The following NEMF variants were observed in gnomAD, a reference collection of about 807,000 sequenced individuals.
The protein encoded by NEMF is nuclear export mediator factor, also known as ribosome quality control complex subunit NEMF.
NEMF carries 89 observed loss-of-function variants against 162.2 expected under a neutral mutation model. The observed-to-expected ratio is 0.55, with a 90% CI of 0.46 to 0.65. The LOEUF is 0.65. Among genes scored for constraint, NEMF ranks in the 30% least tolerant of loss-of-function variants. The pLI is 0.00. For synonymous variants in NEMF, 421 were observed against 404.5 expected (o/e 1.04, Z -0.49); for missense variants, 1,133 against 1,261.9 (o/e 0.90, Z 1.55).
chr14:49,822,179 G>T (rs1331859297), intron 16 of NEMF, among the ~76,000 whole-genome samples: 1 of 151,898 alleles, frequency 6.6e-6, no homozygotes, highest in African/African-American at 2.4e-5. Context: ...CTCTGCCTAG[G>T]AAAACCAGAG....
intron 7 of NEMF, 42 bp downstream of exon 7, chr14:49,834,321 A>T: frequency 2.2e-6 from 3 of 1,336,278 alleles, no homozygotes; most frequent in Non-Finnish European, 3.2e-6. Flanking sequence ...TTCATAGTTT[A>T]AAAAAAATGA....
chr14:49,821,599 C>T (rs1892051527), intron 16 of NEMF, among the ~76,000 whole-genome samples: 1 of 96,888 alleles, frequency 1.0e-5, no homozygotes. Context: ...GGGGGTCAGC[C>T]CCCCGCCCGG....
At chr14:49,802,791 C>CA (rs911028385) in intron 20 of NEMF, 64 bp from the exon 21 acceptor site, 383 of 1,262,448 alleles carry the variant, frequency 3.0e-4, no homozygotes, top group Non-Finnish European at 3.6e-4. Context: ...GCTTGTAAAA[C>CA]AAAAAAAAAT....
chr14:49,851,834 T>C lies in NEMF; in HGVS notation c.101A>G (p.Asn34Ser), dbSNP rs1257879096. Residue 34 changes from asparagine to serine, a missense_variant, in exon 2 of 33, where the codon AAT becomes AGT. Coordinates refer to ENST00000298310, the MANE Select transcript of NEMF (RefSeq NM_004713.6). ...MRVNNVYDVDNKTYLIRLQKP... is the reference protein window; with the variant it reads ...MRVNNVYDVDSKTYLIRLQKP... ...TTGAAGACGAATAAGGTATGTCTTA[T>C]TATCCACATCATAAACATTGTTTAC... is the stretch of plus-strand genomic sequence containing the variant. 2 of 1,586,444 alleles carry C rather than the reference T, an allele frequency of 1.3e-6. No individual in the cohort carries two copies. The highest frequency in any genetic ancestry group is 1.4e-5 in the African/African-American group (1 of 73,804).
In NEMF at chr14:49,812,629, G is replaced by A. The variant is rs565575005; in HGVS notation, c.1744+1359C>T. Among the ~76,000 whole-genome samples the A allele has an allele frequency of 5.9e-5, 9 of 152,180 alleles. No homozygotes were observed. In the East Asian group the frequency reaches 1.7e-3, roughly 29 times the overall value. On this transcript the variant is annotated intron_variant, in intron 18 of 32. Coordinates refer to ENST00000298310, the MANE Select transcript of NEMF (RefSeq NM_004713.6). ...TTCGTTCATCTCAAAGTGTTTTGTG[G>A]CATCTTTTGTGATTTCCTCTTTGTT... is the stretch of plus-strand genomic sequence containing the variant.
chr14:49,848,833 CAAAAAAAAAAAAAA>C (rs36090515), intron 3 of NEMF, among the ~76,000 whole-genome samples: 2 of 40,780 alleles, frequency 4.9e-5, no homozygotes, highest in African/African-American at 2.0e-4. Context: ...GACTCCGTCT[CAAAAAAAAAAAAAA>C]AAAAAAAGAC....
Position 49,852,716 on chromosome 14 carries a change from A to G in NEMF, c.38T>C (p.Val13Ala), listed in dbSNP as rs1566719409. The G allele has an allele frequency of 6.2e-7, 1 of 1,614,216 alleles. No individual in the cohort carries two copies. The highest frequency in any genetic ancestry group is 1.3e-5 in the African/African-American group (1 of 75,062). Residue 13 changes from valine to alanine, a missense_variant, in exon 1 of 33, where the codon GTA becomes GCA. Coordinates refer to ENST00000298310, the MANE Select transcript of NEMF (RefSeq NM_004713.6). Reference protein sequence around the residue: ...SRFSTIDLRAVLAELNASLLG... With the variant: ...SRFSTIDLRAALAELNASLLG... ...GTACCTAGCATTCAGCTCCGCGAGTACGGCGCGGAGGTCAATGGTGCTAAA... is the reference window on the plus strand; with the variant it reads ...GTACCTAGCATTCAGCTCCGCGAGTGCGGCGCGGAGGTCAATGGTGCTAAA...
intron 16 of NEMF, among the ~76,000 whole-genome samples, chr14:49,823,212 T>C (rs1331671058): frequency 6.6e-6 from 1 of 151,860 alleles, no homozygotes; most frequent in African/African-American, 2.4e-5. Context: ...AGTGCTAGGA[T>C]TACATGGGTG....
At chr14:49,803,211 T>C in intron 20 of NEMF, 26 bp downstream of exon 20, 2 of 1,506,738 alleles carry the variant, frequency 1.3e-6, no homozygotes, top group Non-Finnish European at 1.8e-6. Flanking sequence ...ACAAGTCTAG[T>C]GATATTTTTC....
chr14:49,825,755 G>C, intron 16 of NEMF, 112 bp downstream of exon 16: 1 of 677,466 alleles, frequency 1.5e-6, no homozygotes, highest in South Asian at 2.1e-5. Context: ...AAAAATTGCA[G>C]AGCTACTGGT....
In NEMF at chr14:49,782,844, C is replaced by G. The variant is rs1467922240; in HGVS notation, c.*1792G>C. 6.2e-7 allele frequency: 1 copy of G among 1,613,592 alleles called. No individual in the cohort carries two copies. Among genetic ancestry groups the G allele is most frequent in the African/African-American group, 1.3e-5 (1 of 74,918 alleles). ...TCCACTTTCAGGCTAAGCTTAGAAG[C>G]AGTCATTTGCTTTAAAGAAATGTTA... On this transcript the variant is annotated 3_prime_UTR_variant, in exon 33 of 33. Coordinates refer to ENST00000298310, the MANE Select transcript of NEMF (RefSeq NM_004713.6).
Position 49,783,021 on chromosome 14 carries a change from T to C in NEMF, c.*1615A>G, listed in dbSNP as rs75507219. On this transcript the variant is annotated 3_prime_UTR_variant, in exon 33 of 33. Coordinates refer to ENST00000298310, the MANE Select transcript of NEMF (RefSeq NM_004713.6). ...ATCCTGTAAACATCACAGAGTGGCATCATTTGTATAATTATATGCATTGTT... is the reference window on the plus strand; with the variant it reads ...ATCCTGTAAACATCACAGAGTGGCACCATTTGTATAATTATATGCATTGTT... The C allele has an allele frequency of 9.3e-4, 1,410 of 1,516,118 alleles. 10 individuals carry two copies. In the African/African-American group the frequency reaches 0.018, roughly 19 times the overall value. The allele number at this position is 1,516,118 out of a possible 1,614,324, so 93.9% of individuals were successfully genotyped here.
Position 49,784,770 on chromosome 14 carries a change from T to C in NEMF, c.3154-57A>G, listed in dbSNP as rs112672433. 225 of 1,519,346 alleles carry C rather than the reference T, an allele frequency of 1.5e-4. 1 individual carries two copies. The African/African-American group carries it at 2.4e-3, about 17-fold the overall frequency. The allele number at this position is 1,519,346 out of a possible 1,614,324, so 94.1% of individuals were successfully genotyped here. A position where few individuals can be genotyped will look rare whatever the true frequency, so the allele number is the denominator to read the frequency against. ...ATCCTGTATGGTCAATCATGTTTCT[T>C]TTATGACAAAAACGAAAAACATTTC... is the stretch of plus-strand genomic sequence containing the variant. On this transcript the variant is annotated intron_variant, in intron 32 of 32. Coordinates refer to ENST00000298310, the MANE Select transcript of NEMF (RefSeq NM_004713.6).
intron 4 of NEMF, among the ~76,000 whole-genome samples, chr14:49,844,439 C>T (rs1403561178): frequency 3.3e-5 from 5 of 152,038 alleles, no homozygotes; most frequent in African/African-American, 9.7e-5. Context: ...TTCCAGTCTG[C>T]GGCACAGGGG....
At chr14:49,812,800 T>A (rs1157164689) in intron 18 of NEMF, among the ~76,000 whole-genome samples, 1 of 145,724 alleles carries the variant, frequency 6.9e-6, no homozygotes, top group Non-Finnish European at 1.5e-5. Context: ...GTATTGAGGC[T>A]TTTTTTTTTT....
intron 26 of NEMF, among the ~76,000 whole-genome samples, chr14:49,791,060 G>A (rs140303864): frequency 0.011 from 1,710 of 150,984 alleles, 14 homozygotes; most frequent in Non-Finnish European, 0.015. Flanking sequence ...TTCTGGCTGG[G>A]CGCAGTGGCT....
intron 5 of NEMF, chr14:49,839,891 C>T (rs941413037): frequency 5.3e-5 from 8 of 152,070 alleles, no homozygotes; most frequent in South Asian, 2.1e-4. Flanking sequence ...TGGGCCCGGT[C>T]GCTCATACCT....
intron 25 of NEMF, among the ~76,000 whole-genome samples, chr14:49,798,850 T>C (rs929255939): frequency 6.6e-6 from 1 of 151,318 alleles, no homozygotes; most frequent in Non-Finnish European, 1.5e-5. Flanking sequence ...GGGCTTGCAG[T>C]GAGCCGAGAT....
chr14:49,782,476 CATT>C lies in NEMF; in HGVS notation c.*2157_*2159del, dbSNP rs1413388630. 1 of 1,600,048 alleles carries C rather than the reference CATT, an allele frequency of 6.2e-7. No individual in the cohort carries two copies. On this transcript the variant is annotated 3_prime_UTR_variant, in exon 33 of 33. Transcript: ENST00000298310. ...CAGAGCTGTAAGTATACTACCTTCA[CATT>C]ATTACTGAAACTTACTTGCAAAGCA...
Sources: gnomAD v4.1 joint callset for allele counts (sites outside exome capture counted in the v4.1 genomes callset) on GRCh38, gnomAD v4.1.1 for gene constraint, MANE v1.5 for transcripts, NCBI Gene and HGNC (gene_info 2026-07-23, HGNC 2026-07-21) for gene names.